The following OR14C36 variants were observed in gnomAD, a reference collection of about 807,000 sequenced individuals.
OR14C36 encodes olfactory receptor 14C36.
For missense variants in OR14C36, 404 were observed against 384.8 expected (o/e 1.05, Z -0.42); for synonymous variants, 142 against 146.8 (o/e 0.97, Z 0.24).
At position 248,348,924 on chromosome 1, in the gene OR14C36, C is replaced by T. The variant is rs1245061166; in HGVS notation, c.150C>T (p.Asp50=). 6.2e-7 allele frequency: 1 copy of T among 1,613,774 alleles called. No homozygotes were observed. The highest frequency in any genetic ancestry group is 8.5e-7 in the Non-Finnish European group (1 of 1,179,940). The change falls in exon 1 of 1, where the codon GAC becomes GAT. Residue 50 remains aspartate (D), a synonymous_variant. Transcript: ENST00000317861. ...TCATTGTGACCGTCACCACCTGTGA[C>T]AGCAGCCTTCACATGCCCATGTACT... The part of the protein sequence containing the change: ...NILIVTVTTC[D]SSLHMPMYFF...
At position 248,348,833 on chromosome 1, in the gene OR14C36, C is replaced by T. The variant is rs1487146439; in HGVS notation, c.59C>T (p.Thr20Ile). 6.2e-7 allele frequency: 1 copy of T among 1,612,792 alleles called. No homozygotes were observed. Among genetic ancestry groups the T allele is most frequent in the Non-Finnish European group, 8.5e-7 (1 of 1,179,296 alleles). The change falls in exon 1 of 1, where the codon ACA becomes ATA. Residue 20 changes from threonine to isoleucine, a missense_variant. Thr to Ile is a moderately conservative substitution (Grantham distance 89). Coordinates refer to ENST00000317861, the MANE Select transcript of OR14C36 (RefSeq NM_001001918.1). ...FLLMRFSDVWTLQILHSASFF... is the reference protein window; with the variant it reads ...FLLMRFSDVWILQILHSASFF... ...CTCATGAGGTTTTCTGATGTGTGGA[C>T]ACTACAGATTTTACATTCTGCATCC...
In OR14C36 at chr1:248,348,834, A is replaced by G. The variant is rs752342260; in HGVS notation, c.60A>G (p.Thr20=). The change falls in exon 1 of 1, where the codon ACA becomes ACG. Residue 20 remains threonine, a synonymous_variant. Coordinates refer to ENST00000317861, the MANE Select transcript of OR14C36 (RefSeq NM_001001918.1). ...FLLMRFSDVW[T]LQILHSASFF... ...TCATGAGGTTTTCTGATGTGTGGAC[A>G]CTACAGATTTTACATTCTGCATCCT... 4.3e-6 allele frequency: 7 copies of G among 1,613,114 alleles called. No individual in the cohort carries two copies. In the South Asian group the frequency reaches 6.6e-5, roughly 15 times the overall value.
In OR14C36 at chr1:248,349,319, T is replaced by C; in HGVS notation, c.545T>C (p.Leu182Pro). 6.2e-7 allele frequency: 1 copy of C among 1,614,114 alleles called. No individual in the cohort carries two copies. The highest frequency in any genetic ancestry group is 1.7e-5 in the Admixed American group (1 of 60,006). Residue 182 changes from leucine (L) to proline (P), a missense_variant, in exon 1 of 1, where the codon CTG becomes CCG. Coordinates refer to ENST00000317861, the MANE Select transcript of OR14C36 (RefSeq NM_001001918.1). ...CAATTCTTCTGTGACATCCCCTCTC[T>C]GCTGAAGCTCTCTTGCTCTGACACC... is the stretch of plus-strand genomic sequence containing the variant. ...IHQFFCDIPSLLKLSCSDTFS... is the reference protein window; with the variant it reads ...IHQFFCDIPSPLKLSCSDTFS...
In OR14C36 at chr1:248,349,489, T is replaced by G. The variant is rs758709183; in HGVS notation, c.715T>G (p.Cys239Gly). Residue 239 changes from cysteine to glycine, a missense_variant, in exon 1 of 1, where the codon TGC (cysteine) becomes GGC (glycine). By Grantham distance (159) the Cys-to-Gly change is radical (BLOSUM62 -3). Coordinates refer to ENST00000317861, the MANE Select transcript of OR14C36 (RefSeq NM_001001918.1). Reference protein sequence around the residue: ...GADRTKAFSTCIPHILVVSVF... With the variant: ...GADRTKAFSTGIPHILVVSVF... ...AGACAGAACAAAGGCCTTTTCCACC[T>G]GCATCCCTCACATCCTGGTGGTGTC... 6.2e-7 allele frequency: 1 copy of G among 1,614,028 alleles called. No individual in the cohort carries two copies. Among genetic ancestry groups the G allele is most frequent in the Non-Finnish European group, 8.5e-7 (1 of 1,179,906 alleles).
At position 248,349,457 on chromosome 1, in the gene OR14C36, G is replaced by A; in HGVS notation, c.683G>A (p.Arg228Lys). 1.2e-6 allele frequency: 2 copies of A among 1,613,988 alleles called. No homozygotes were observed. Among genetic ancestry groups the A allele is most frequent in the Non-Finnish European group, 1.7e-6 (2 of 1,179,968 alleles). Reference protein sequence around the residue: ...HIFSTVLGFPRGADRTKAFST... With the variant: ...HIFSTVLGFPKGADRTKAFST... ...TTTTCGACCGTGCTCGGGTTTCCAA[G>A]AGGAGCAGACAGAACAAAGGCCTTT... The change falls in exon 1 of 1, where the codon AGA (arginine) becomes AAA (lysine). Residue 228 changes from arginine to lysine, a missense_variant. Transcript: ENST00000317861.
chr1:248,349,206 G>A lies in OR14C36; in HGVS notation c.432G>A (p.Leu144=). The A allele has an allele frequency of 6.2e-7, 1 of 1,613,786 alleles. No homozygotes were observed. The highest frequency in any genetic ancestry group is 8.5e-7 in the Non-Finnish European group (1 of 1,179,970). The change falls in exon 1 of 1, where the codon CTG becomes CTA. Residue 144 remains leucine, a synonymous_variant. Transcript: ENST00000317861. ...CTCGAATCTGCATCCAGATGACACT[G>A]GCCTCCCTACTCAGTGGTCTTGTCT... The part of the protein sequence containing the change: ...VNSRICIQMT[L]ASLLSGLVYA...
Position 248,348,829 on chromosome 1 carries a change from T to C in OR14C36, c.55T>C (p.Trp19Arg). Residue 19 changes from tryptophan (W) to arginine (R), a missense_variant, in exon 1 of 1, where the codon TGG becomes CGG. Coordinates refer to ENST00000317861, the MANE Select transcript of OR14C36 (RefSeq NM_001001918.1). ...EFLLMRFSDV[W>R]TLQILHSASF... is the part of the protein sequence containing the mutation. Reference sequence around the variant, plus strand: ...TCTCCTCATGAGGTTTTCTGATGTGTGGACACTACAGATTTTACATTCTGC... The same window carrying C: ...TCTCCTCATGAGGTTTTCTGATGTGCGGACACTACAGATTTTACATTCTGC... 6.2e-7 allele frequency: 1 copy of C among 1,612,764 alleles called. No individual in the cohort carries two copies. The highest frequency in any genetic ancestry group is 8.5e-7 in the Non-Finnish European group (1 of 1,179,252).
rs950744491 is a variant in OR14C36 at position 248,349,415 on chromosome 1, G to A, written c.641G>A (p.Arg214Lys). The stretch of plus-strand genomic sequence containing the variant: ...GGCGGCTGTTTCATCTTTATCATCA[G>A]GTCTTACATTCACATCTTTTCGACC... ...VGGGCFIFII[R>K]SYIHIFSTVL... The change falls in exon 1 of 1, where the codon AGG becomes AAG. Residue 214 changes from arginine (R) to lysine (K), a missense_variant. Transcript: ENST00000317861. 2.5e-6 allele frequency: 4 copies of A among 1,613,920 alleles called. No homozygotes were observed. The highest frequency in any genetic ancestry group is 3.3e-5 in the Admixed American group (2 of 59,978).
chr1:248,348,977 A>G lies in OR14C36; in HGVS notation c.203A>G (p.Asp68Gly), dbSNP rs1330068285. ...YFFLRNLSIL[D>G]ACYISVTVPT... The stretch of plus-strand genomic sequence containing the variant: ...TTCCTCAGGAATCTGTCTATCTTGG[A>G]TGCCTGCTACATTTCTGTTACAGTC... The change falls in exon 1 of 1, where the codon GAT (aspartate) becomes GGT (glycine). Residue 68 changes from aspartate to glycine, a missense_variant. By Grantham distance (94) the Asp-to-Gly change is moderately conservative (BLOSUM62 -1). Coordinates refer to ENST00000317861, the MANE Select transcript of OR14C36 (RefSeq NM_001001918.1). The G allele has an allele frequency of 2.5e-6, 4 of 1,613,688 alleles. No homozygotes were observed. The highest frequency in any genetic ancestry group is 3.4e-6 in the Non-Finnish European group (4 of 1,179,924).
Position 248,349,688 on chromosome 1 carries a change from G to C in OR14C36, c.914G>C (p.Arg305Thr). The C allele has an allele frequency of 1.2e-6, 2 of 1,602,766 alleles. No homozygotes were observed. The highest frequency in any genetic ancestry group is 1.1e-5 in the South Asian group (1 of 89,246). The change falls in exon 1 of 1, where the codon AGA becomes ACA. Residue 305 changes from arginine (R) to threonine (T), a missense_variant. Transcript: ENST00000317861. ...GTGGCCATCAAGAAAATCATGAAGA[G>C]AATTTTTTATTCAGAAAATGTGTAA... ...IKVAIKKIMK[R>T]IFYSENV
At position 248,348,973 on chromosome 1, in the gene OR14C36, T is replaced by C. The variant is rs1321096427; in HGVS notation, c.199T>C (p.Leu67=). The change falls in exon 1 of 1, where the codon TTG becomes CTG. Residue 67 remains leucine, a synonymous_variant. Coordinates refer to ENST00000317861, the MANE Select transcript of OR14C36 (RefSeq NM_001001918.1). The part of the protein sequence containing the change: ...MYFFLRNLSI[L]DACYISVTVP... ...CTTCTTCCTCAGGAATCTGTCTATC[T>C]TGGATGCCTGCTACATTTCTGTTAC... 6.2e-7 allele frequency: 1 copy of C among 1,613,794 alleles called. No homozygotes were observed. Among genetic ancestry groups the C allele is most frequent in the Admixed American group, 1.7e-5 (1 of 59,936 alleles).
Position 248,349,611 on chromosome 1 carries a change from G to A in OR14C36, c.837G>A (p.Met279Ile). The part of the protein sequence containing the change: ...DLILSGFYSI[M>I]PPLFNPIIYS... ...TCCTTTCTGGTTTTTATTCCATAAT[G>A]CCTCCCCTCTTTAACCCTATTATTT... is the stretch of plus-strand genomic sequence containing the variant. Residue 279 changes from methionine to isoleucine, a missense_variant, in exon 1 of 1, where the codon ATG becomes ATA. Coordinates refer to ENST00000317861, the MANE Select transcript of OR14C36 (RefSeq NM_001001918.1). 1 of 1,613,820 alleles carries A rather than the reference G, an allele frequency of 6.2e-7. No homozygotes were observed. Among genetic ancestry groups the A allele is most frequent in the Non-Finnish European group, 8.5e-7 (1 of 1,179,818 alleles).
In OR14C36 at chr1:248,349,364, T is replaced by C. The variant is rs1258152051; in HGVS notation, c.590T>C (p.Ile197Thr). ...CSDTFSNEVM[I>T]VVSALGVGGG... ...GACACCTTCAGCAATGAGGTCATGA[T>C]TGTTGTCTCTGCTCTGGGGGTAGGT... The change falls in exon 1 of 1, where the codon ATT becomes ACT. Residue 197 changes from isoleucine (I) to threonine (T), a missense_variant. Ile to Thr is a moderately conservative substitution (Grantham distance 89, BLOSUM62 -1). Coordinates refer to ENST00000317861, the MANE Select transcript of OR14C36 (RefSeq NM_001001918.1). The C allele has an allele frequency of 1.9e-6, 3 of 1,614,082 alleles. No homozygotes were observed. The highest frequency in any genetic ancestry group is 2.7e-5 in the African/African-American group (2 of 75,034).
Position 248,349,032 on chromosome 1 carries a change from C to A in OR14C36, c.258C>A (p.Asp86Glu). 3 of 1,613,814 alleles carry A rather than the reference C, an allele frequency of 1.9e-6. No homozygotes were observed. The East Asian group carries it at 6.7e-5, about 36-fold the overall frequency. The change falls in exon 1 of 1, where the codon GAC becomes GAA. Residue 86 changes from aspartate to glutamate, a missense_variant. Physicochemically the swap from Asp to Glu is conservative, Grantham distance 45 (BLOSUM62 2). Coordinates refer to ENST00000317861, the MANE Select transcript of OR14C36 (RefSeq NM_001001918.1). ...CCTCATGTGTCAATTCCCTACTGGA[C>A]AGCACCACCATTTCTAAGGCGGGAT... ...VPTSCVNSLL[D>E]STTISKAGCV... is the part of the protein sequence containing the mutation.
chr1:248,349,123 G>GC, the OR14C36 span: 5 of 1,613,714 alleles, frequency 3.1e-6, no homozygotes, highest in Middle Eastern at 1.6e-4. Flanking sequence ...CACCATTATG[G>GC]CTCATGACCG....
In OR14C36 at chr1:248,348,922, G is replaced by A. The variant is rs910035611; in HGVS notation, c.148G>A (p.Asp50Asn). 3.1e-6 allele frequency: 5 copies of A among 1,613,358 alleles called. No homozygotes were observed. In the African/African-American group the frequency reaches 6.7e-5, roughly 22 times the overall value. The stretch of plus-strand genomic sequence containing the variant: ...CCTCATTGTGACCGTCACCACCTGT[G>A]ACAGCAGCCTTCACATGCCCATGTA... ...NILIVTVTTC[D>N]SSLHMPMYFF... Residue 50 changes from aspartate (D) to asparagine (N), a missense_variant, in exon 1 of 1, where the codon GAC (aspartate) becomes AAC (asparagine). Coordinates refer to ENST00000317861, the MANE Select transcript of OR14C36 (RefSeq NM_001001918.1).
chr1:248,349,292 A>G lies in OR14C36; in HGVS notation c.518A>G (p.His173Arg), dbSNP rs111904769. 2 of 1,614,052 alleles carry G rather than the reference A, an allele frequency of 1.2e-6. No homozygotes were observed. Among genetic ancestry groups the G allele is most frequent in the Non-Finnish European group, 1.7e-6 (2 of 1,180,004 alleles). Residue 173 changes from histidine (H) to arginine (R), a missense_variant, in exon 1 of 1, where the codon CAT becomes CGT. By Grantham distance (29) the His-to-Arg change is conservative. Transcript: ENST00000317861. ...CCCTTCTGTCGGTCCAACGTTATTC[A>G]TCAATTCTTCTGTGACATCCCCTCT... The part of the protein sequence containing the change: ...QLPFCRSNVI[H>R]QFFCDIPSLL...
Position 248,349,510 on chromosome 1 carries a change from G to A in OR14C36, c.736G>A (p.Val246Met), listed in dbSNP as rs771091886. ...FSTCIPHILVVSVFLSSCSSV... is the reference protein window; with the variant it reads ...FSTCIPHILVMSVFLSSCSSV... ...CACCTGCATCCCTCACATCCTGGTG[G>A]TGTCAGTCTTCCTCAGTTCATGCTC... The change falls in exon 1 of 1, where the codon GTG (valine) becomes ATG (methionine). Residue 246 changes from valine (V) to methionine (M), a missense_variant. By Grantham distance (21) the Val-to-Met change is conservative. Transcript: ENST00000317861. 1 of 1,614,066 alleles carries A rather than the reference G, an allele frequency of 6.2e-7. No individual in the cohort carries two copies. Among genetic ancestry groups the A allele is most frequent in the Non-Finnish European group, 8.5e-7 (1 of 1,179,988 alleles).
chr1:248,349,034 G>T lies in OR14C36; in HGVS notation c.260G>T (p.Ser87Ile). The T allele has an allele frequency of 6.2e-7, 1 of 1,613,720 alleles. No homozygotes were observed. The highest frequency in any genetic ancestry group is 8.5e-7 in the Non-Finnish European group (1 of 1,179,942). ...PTSCVNSLLD[S>I]TTISKAGCVA... The stretch of plus-strand genomic sequence containing the variant: ...TCATGTGTCAATTCCCTACTGGACA[G>T]CACCACCATTTCTAAGGCGGGATGT... Residue 87 changes from serine to isoleucine, a missense_variant, in exon 1 of 1, where the codon AGC becomes ATC. Coordinates refer to ENST00000317861, the MANE Select transcript of OR14C36 (RefSeq NM_001001918.1).
Sources: allele counts gnomAD v4.1 joint callset, GRCh38; gene constraint gnomAD v4.1.1; transcripts MANE v1.5; gene names NCBI Gene and HGNC (gene_info 2026-07-23, HGNC 2026-07-21).